The following DENND5A variants were observed in gnomAD, a reference collection of about 807,000 sequenced individuals.
DENND5A encodes DENN domain-containing protein 5A.
In DENND5A, 64 loss-of-function variants were observed where a neutral mutation model predicts 140.3. That is an observed-to-expected ratio of 0.46 (90% CI 0.37 to 0.56). DENND5A has a LOEUF of 0.56. Ranked by LOEUF, DENND5A falls within the 20% of genes least tolerant of loss-of-function variation. The probability of loss-of-function intolerance (pLI) is 0.00; values close to 1 mark genes in which losing one functional copy is unlikely to be tolerated. For synonymous variants in DENND5A, 605 were observed against 607.7 expected (o/e 1.00, Z 0.07); for missense variants, 1,292 against 1,593.8 (o/e 0.81, Z 3.22).
chr11:9,194,772 T>C (rs1032572365), intron 4 of DENND5A, among the ~76,000 whole-genome samples: 4 of 150,660 alleles, frequency 2.7e-5, no homozygotes, highest in Non-Finnish European at 5.9e-5. Context: ...CAGGCTAGAG[T>C]GCAGTGGCAC....
chr11:9,243,189 G>A (rs546538532), intron 1 of DENND5A, among the ~76,000 whole-genome samples: 11 of 149,066 alleles, frequency 7.4e-5, no homozygotes, highest in Admixed American at 4.1e-4. Flanking sequence ...CTCATTAAAT[G>A]CACCACACTC....
At chr11:9,178,500 TAA>T (rs34618516) in intron 7 of DENND5A, 134 bp from the exon 8 acceptor site, 653 of 527,408 alleles carry the variant, frequency 1.2e-3, no homozygotes, top group East Asian at 1.7e-3. Flanking sequence ...ATCTCTACAT[TAA>T]AAAAAAAAAA....
At chr11:9,231,715 CAAAA>C (rs71062818) in intron 1 of DENND5A, among the ~76,000 whole-genome samples, 14 of 78,950 alleles carry the variant, frequency 1.8e-4, no homozygotes, top group Admixed American at 1.8e-3. Flanking sequence ...AACTCCGTCT[CAAAA>C]AAAAAAAAAA....
At chr11:9,175,867 CA>C (rs1449473472) in intron 8 of DENND5A, among the ~76,000 whole-genome samples, 3 of 152,144 alleles carry the variant, frequency 2.0e-5, no homozygotes, top group African/African-American at 7.2e-5. Context: ...AAAACTTCTA[CA>C]GGGAAATATA....
At chr11:9,187,463 T>C (rs1317597196) in intron 5 of DENND5A, among the ~76,000 whole-genome samples, 4 of 152,156 alleles carry the variant, frequency 2.6e-5, no homozygotes, top group Admixed American at 1.3e-4. Flanking sequence ...CTCCCAAATA[T>C]CTTCCGCTCA....
rs781156449 is a variant in DENND5A, at chr11:9,180,989, G to A, written c.1233C>T (p.Val411=). ...TTCCAAATGCCATGAGAATCTCAGA[G>A]ACTTCCTGGACAAACTCCAATTTGT... The part of the protein sequence containing the change: ...FPNKLEFVQE[V]SEILMAFGIP... The change falls in exon 6 of 23, where the codon GTC becomes GTT. Residue 411 remains valine, a synonymous_variant. Transcript: ENST00000328194. 13 of 1,614,060 alleles carry A rather than the reference G, an allele frequency of 8.1e-6. No homozygotes were observed. The highest frequency in any genetic ancestry group is 8.5e-7 in the Non-Finnish European group (1 of 1,180,052).
intron 10 of DENND5A, among the ~76,000 whole-genome samples, chr11:9,166,425 G>C (rs1172874930): frequency 6.6e-6 from 1 of 152,048 alleles, no homozygotes; most frequent in Non-Finnish European, 1.5e-5. Flanking sequence ...CAGATAGTTA[G>C]GAATAGAAAA....
intron 1 of DENND5A, among the ~76,000 whole-genome samples, chr11:9,217,899 G>C (rs1260452744): frequency 2.0e-5 from 3 of 152,192 alleles, no homozygotes; most frequent in African/African-American, 7.2e-5. Flanking sequence ...ACAGATAAAA[G>C]ATATGCAGAG....
intron 1 of DENND5A, among the ~76,000 whole-genome samples, chr11:9,257,323 T>TA (rs1301360881): frequency 6.8e-6 from 1 of 147,188 alleles, no homozygotes; most frequent in African/African-American, 2.5e-5. Context: ...TATGAAATTA[T>TA]AAAAAAAGAT....
At chr11:9,237,774 T>C (rs1392992223) in intron 1 of DENND5A, among the ~76,000 whole-genome samples, 1 of 151,854 alleles carries the variant, frequency 6.6e-6, no homozygotes, top group Non-Finnish European at 1.5e-5. Context: ...CCCCAGCTAC[T>C]AGGGAGGCTT....
At chr11:9,254,437 ACTT>A (rs1220646138) in intron 1 of DENND5A, among the ~76,000 whole-genome samples, 1 of 152,032 alleles carries the variant, frequency 6.6e-6, no homozygotes, top group East Asian at 1.9e-4. Flanking sequence ...ATCTCTCCTG[ACTT>A]CTTACTTGTT....
chr11:9,173,001 T>C (rs1343411034), intron 8 of DENND5A, among the ~76,000 whole-genome samples: 2 of 150,578 alleles, frequency 1.3e-5, no homozygotes, highest in Admixed American at 6.6e-5. Flanking sequence ...TTTTTTTATA[T>C]GTTTAGTAGC....
chr11:9,250,044 T>TA (rs10710741), intron 1 of DENND5A, among the ~76,000 whole-genome samples: 24,045 of 138,420 alleles, frequency 0.17, 2,265 homozygotes, highest in East Asian at 0.29. Flanking sequence ...AAATAAAATT[T>TA]AAAAAAAAAA....
chr11:9,214,234 T>C (rs1442359293), intron 1 of DENND5A, among the ~76,000 whole-genome samples: 4 of 152,214 alleles, frequency 2.6e-5, no homozygotes, highest in African/African-American at 9.7e-5. Flanking sequence ...AGCCAGGTTG[T>C]TTTGTCTTCA....
chr11:9,164,570 TA>T (rs1341069767), intron 11 of DENND5A, among the ~76,000 whole-genome samples: 1 of 152,076 alleles, frequency 6.6e-6, no homozygotes, highest in Non-Finnish European at 1.5e-5. Flanking sequence ...TTCTTTTTAT[TA>T]GAAAAGACAT....
chr11:9,261,308 C>T (rs1276218091), intron 1 of DENND5A, among the ~76,000 whole-genome samples: 1 of 152,142 alleles, frequency 6.6e-6, no homozygotes, highest in African/African-American at 2.4e-5. Context: ...TGGAGTGCAC[C>T]TTCTTAGAGA....
intron 10 of DENND5A, among the ~76,000 whole-genome samples, chr11:9,166,423 T>C (rs548483637): frequency 2.0e-5 from 3 of 152,158 alleles, no homozygotes; most frequent in Non-Finnish European, 2.9e-5. Flanking sequence ...CTCAGATAGT[T>C]AGGAATAGAA....
chr11:9,145,483 A>C (rs1847396639), intron 17 of DENND5A, 187 bp downstream of exon 17: 2 of 673,894 alleles, frequency 3.0e-6, no homozygotes, highest in Non-Finnish European at 5.1e-6. Context: ...CATTGTTTAG[A>C]CAGGGTGGGG....
At chr11:9,257,356 G>C (rs985707369) in intron 1 of DENND5A, among the ~76,000 whole-genome samples, 1 of 150,794 alleles carries the variant, frequency 6.6e-6, no homozygotes, top group Admixed American at 6.6e-5. Context: ...CTACGGGCCT[G>C]GGAGGTCGAG....
Sources: allele counts gnomAD v4.1 joint callset (sites outside exome capture counted in the v4.1 genomes callset), GRCh38; gene constraint gnomAD v4.1.1; transcripts MANE v1.5; gene names NCBI Gene and HGNC (gene_info 2026-07-23, HGNC 2026-07-21).